The following ATRNL1 variants were observed in gnomAD, a reference collection of about 807,000 sequenced individuals.
ATRNL1 encodes the protein attractin-like protein 1.
Under a neutral mutation model 182.7 loss-of-function variants are expected in ATRNL1, and 95 were observed. The ratio of observed to expected loss-of-function variants is 0.52; its 90% CI spans 0.44 to 0.62. The LOEUF is 0.62. Among genes scored for constraint, ATRNL1 ranks in the 20% least tolerant of loss-of-function variants. ATRNL1 has a pLI of 0.00. For synonymous variants in ATRNL1, 576 were observed against 568.3 expected (o/e 1.01, Z -0.19); for missense variants, 1,471 against 1,679.5 (o/e 0.88, Z 2.17).
At chr10:115,935,067 T>G (rs1953515674) in intron 28 of ATRNL1, among the ~76,000 whole-genome samples, 1 of 152,212 alleles carries the variant, frequency 6.6e-6, no homozygotes, top group Admixed American at 6.5e-5. Context: ...CACATTCCCC[T>G]TAGAGATCAC....
At chr10:115,713,842 T>G (rs1555055519) in intron 26 of ATRNL1, among the ~76,000 whole-genome samples, 1 of 152,094 alleles carries the variant, frequency 6.6e-6, no homozygotes, top group East Asian at 1.9e-4. Context: ...ACAGATACGT[T>G]TCTCAGTTGC....
chr10:115,608,351 T>C (rs191306947), intron 26 of ATRNL1, among the ~76,000 whole-genome samples: 5 of 152,120 alleles, frequency 3.3e-5, no homozygotes, highest in Admixed American at 3.3e-4. Context: ...TGTTAAAAAA[T>C]CCTCAAGATT....
chr10:115,222,208 A>G (rs1202674296), intron 9 of ATRNL1, among the ~76,000 whole-genome samples: 1 of 151,990 alleles, frequency 6.6e-6, no homozygotes, highest in African/African-American at 2.4e-5. Flanking sequence ...CAGATTAGAC[A>G]CAGCTGAAGG....
intron 9 of ATRNL1, among the ~76,000 whole-genome samples, chr10:115,234,607 T>C (rs1388438109): frequency 6.7e-6 from 1 of 149,328 alleles, no homozygotes; most frequent in African/African-American, 2.5e-5. Flanking sequence ...TTTTTTTTTT[T>C]TGAGACAGGG....
rs67671102 is a variant in ATRNL1, at chr10:115,743,238, T to TAA, written c.3903+15899_3903+15900dup. ...CATATTAGCTTCCTATCTCTTATAG[T>TAA]AAAAAAAAAAAAAAAAATACAACTC... On this transcript the variant is annotated intron_variant, in intron 27 of 28. Coordinates refer to ENST00000355044, the MANE Select transcript of ATRNL1 (RefSeq NM_207303.4). Among the ~76,000 whole-genome samples, 276 of 115,952 alleles carry TAA rather than the reference T, an allele frequency of 2.4e-3. 19 individuals are homozygous for TAA. The South Asian group carries it at 0.056, about 24-fold the overall frequency. The allele number at this position is 115,952 out of a possible 152,430, so 76.1% of individuals were successfully genotyped here.
intron 25 of ATRNL1, among the ~76,000 whole-genome samples, chr10:115,532,103 G>C (rs1175543712): frequency 6.6e-6 from 1 of 151,586 alleles, no homozygotes; most frequent in Non-Finnish European, 1.5e-5. Flanking sequence ...GATTCACTTG[G>C]CGATGCGGGC....
chr10:115,452,921 C>G (rs1337120141), intron 21 of ATRNL1, among the ~76,000 whole-genome samples: 1 of 152,008 alleles, frequency 6.6e-6, no homozygotes, highest in Non-Finnish European at 1.5e-5. Context: ...TTTTAGATTT[C>G]TTATAAATGT....
At chr10:115,587,954 A>C (rs1440382671) in intron 26 of ATRNL1, among the ~76,000 whole-genome samples, 1 of 152,194 alleles carries the variant, frequency 6.6e-6, no homozygotes, top group African/African-American at 2.4e-5. Context: ...AAATGAAAAA[A>C]AGGAGAAAGA....
intron 8 of ATRNL1, among the ~76,000 whole-genome samples, chr10:115,213,408 T>C (rs1461064460): frequency 5.9e-5 from 9 of 152,098 alleles, no homozygotes; most frequent in African/African-American, 1.4e-4. Context: ...GTTTTGTCCA[T>C]TGGACTCGTG....
chr10:115,657,406 A>G (rs1320913437), intron 26 of ATRNL1, among the ~76,000 whole-genome samples: 1 of 152,178 alleles, frequency 6.6e-6, no homozygotes, highest in East Asian at 1.9e-4. Context: ...ATGGCTCACA[A>G]TAAATTTAGA....
chr10:115,294,155 T>C (rs1169876402), intron 15 of ATRNL1, among the ~76,000 whole-genome samples: 1 of 152,218 alleles, frequency 6.6e-6, no homozygotes, highest in Non-Finnish European at 1.5e-5. Context: ...TATTCTATTT[T>C]ATTTTTGTTA....
chr10:115,715,704 A>C lies in ATRNL1; in HGVS notation c.3796-11544A>C, dbSNP rs547089179. Among the ~76,000 whole-genome samples, 60 of 152,372 alleles carry C rather than the reference A, an allele frequency of 3.9e-4. 1 individual carries two copies. The South Asian group carries it at 0.012, about 31-fold the overall frequency. ...AAATAATCACAACAGTAAAACATGA[A>C]AAATGTATAATAAATACCAATGTGA... is the stretch of plus-strand genomic sequence containing the variant. On this transcript the variant is annotated intron_variant, in intron 26 of 28. Coordinates refer to ENST00000355044, the MANE Select transcript of ATRNL1 (RefSeq NM_207303.4).
At chr10:115,635,882 T>C (rs2133843011) in intron 26 of ATRNL1, among the ~76,000 whole-genome samples, 2 of 152,282 alleles carry the variant, frequency 1.3e-5, no homozygotes, top group East Asian at 3.9e-4. Context: ...TGTCTACATA[T>C]ACACAAAGCT....
At chr10:115,758,526 A>G (rs1433837973) in intron 27 of ATRNL1, among the ~76,000 whole-genome samples, 1 of 152,166 alleles carries the variant, frequency 6.6e-6, no homozygotes, top group South Asian at 2.1e-4. Flanking sequence ...CACCCACCAG[A>G]TGCCAGCCAG....
intron 5 of ATRNL1, among the ~76,000 whole-genome samples, chr10:115,140,427 C>T (rs920083970): frequency 3.9e-5 from 6 of 152,148 alleles, no homozygotes; most frequent in African/African-American, 1.4e-4. Context: ...CATGTCTACT[C>T]AGAGAAACTT....
intron 27 of ATRNL1, among the ~76,000 whole-genome samples, chr10:115,753,382 G>C (rs1295282384): frequency 1.3e-5 from 2 of 151,956 alleles, no homozygotes; most frequent in Non-Finnish European, 2.9e-5. Context: ...GTGTTCATGT[G>C]TTCTAATTGT....
intron 26 of ATRNL1, among the ~76,000 whole-genome samples, chr10:115,628,006 G>A (rs1565226562): frequency 6.6e-6 from 1 of 151,934 alleles, no homozygotes; most frequent in Non-Finnish European, 1.5e-5. Context: ...AATTAGCTGG[G>A]CATGGTGGTG....
chr10:115,400,567 A>G (rs186561644), intron 20 of ATRNL1, among the ~76,000 whole-genome samples: 16 of 152,148 alleles, frequency 1.1e-4, no homozygotes, highest in Admixed American at 9.2e-4. Context: ...CTATGATTGT[A>G]TAGGAGCTTA....
At chr10:115,162,512 G>T (rs1846839053) in intron 6 of ATRNL1, among the ~76,000 whole-genome samples, 1 of 151,902 alleles carries the variant, frequency 6.6e-6, no homozygotes, top group Admixed American at 6.6e-5. Context: ...TAACAGAGGA[G>T]AGAGACAGAT....
Sources: gnomAD v4.1 joint callset for allele counts (sites outside exome capture counted in the v4.1 genomes callset) on GRCh38, gnomAD v4.1.1 for gene constraint, MANE v1.5 for transcripts, NCBI Gene and HGNC (gene_info 2026-07-23, HGNC 2026-07-21) for gene names.